Variants in ATG14 observed in about 807,000 individuals in gnomAD.
The protein encoded by ATG14 is beclin 1-associated autophagy-related key regulator.
In ATG14, 35 loss-of-function variants were observed where a neutral mutation model predicts 60.4. The observed-to-expected ratio is 0.58, with a 90% CI of 0.44 to 0.77. The LOEUF (loss-of-function observed/expected upper bound fraction) is 0.77. ATG14 is among the 30% of genes least tolerant of loss of function. ATG14 has a pLI of 0.00. For synonymous variants in ATG14, 234 were observed against 228.8 expected, an observed-to-expected ratio of 1.02 and a Z score of -0.21; for missense variants, 647 against 626.3, an observed-to-expected ratio of 1.03 and a Z score of -0.35.
chr14:55,392,941 G>A (rs1885244277), intron 3 of ATG14, among the ~76,000 whole-genome samples: 1 of 152,164 alleles, frequency 6.6e-6, no homozygotes, highest in South Asian at 2.1e-4. Flanking sequence ...AAAGGTAACA[G>A]AGTCTTTAGA....
At position 55,385,921 on chromosome 14, in the gene ATG14, T is replaced by A; in HGVS notation, c.585A>T (p.Arg195=). The change falls in exon 5 of 10, where the codon CGA becomes CGT. Residue 195 remains arginine (R), a synonymous_variant. Coordinates refer to ENST00000247178, the MANE Select transcript of ATG14 (RefSeq NM_014924.5). ...CAGAGGTGAGCTCTAATATATGGGA[T>A]CGTCGAAGATTTGCCAGACGCTCAT... ...SHYERLANLR[R]SHILELTSVI... is the part of the protein sequence containing the mutation. 1.2e-6 allele frequency: 2 copies of A among 1,614,198 alleles called. No individual in the cohort carries two copies. Among genetic ancestry groups the A allele is most frequent in the Admixed American group, 3.3e-5 (2 of 60,014 alleles).
In ATG14 at chr14:55,395,415, C is replaced by T. The variant is rs547266140; in HGVS notation, c.327+525G>A. Reference sequence around the variant, plus strand: ...TTGCCCAGGCTGGAGTGCTGTGGCACGATCTTGGCTCACTATAGCCTCTGC... The same window carrying T: ...TTGCCCAGGCTGGAGTGCTGTGGCATGATCTTGGCTCACTATAGCCTCTGC... On this transcript the variant is annotated intron_variant, in intron 3 of 9. Transcript: ENST00000247178. 1.4e-4 allele frequency among the ~76,000 whole-genome samples: 22 copies of T among 152,324 alleles called. No homozygotes were observed. The South Asian group carries it at 3.3e-3, about 23-fold the overall frequency.
intron 3 of ATG14, chr14:55,395,319 C>T: frequency 7.6e-6 from 2 of 263,046 alleles, no homozygotes; most frequent in Non-Finnish European, 1.5e-5. Context: ...CTGGCTGCTG[C>T]CACGCCTCTC....
chr14:55,382,763 G>T (rs768350265), intron 5 of ATG14, among the ~76,000 whole-genome samples: 19 of 152,130 alleles, frequency 1.2e-4, no homozygotes, highest in Non-Finnish European at 2.5e-4. Flanking sequence ...ATGAGGTAGG[G>T]CTGAACATAT....
At chr14:55,372,448 A>ACC (rs1425427410) in intron 9 of ATG14, among the ~76,000 whole-genome samples, 2 of 151,954 alleles carry the variant, frequency 1.3e-5, no homozygotes, top group African/African-American at 4.8e-5. Flanking sequence ...AGTCTAGGGG[A>ACC]CCTCAGAACT....
At chr14:55,378,396 T>C (rs67626275) in intron 7 of ATG14, among the ~76,000 whole-genome samples, 5,285 of 152,344 alleles carry the variant, frequency 0.035, 246 homozygotes, top group African/African-American at 0.1. Flanking sequence ...TGGTAAGATC[T>C]TGACACCTTT....
chr14:55,407,781 A>G lies in ATG14; in HGVS notation c.221+3821T>C, dbSNP rs944816623. On this transcript the variant is annotated intron_variant, in intron 1 of 9. Transcript: ENST00000247178. The stretch of plus-strand genomic sequence containing the variant: ...AAAGAAATAGGGTACTGTGATAGCA[A>G]ATAATGAATAGGGGAAAAGATGGAG... 7.9e-5 allele frequency among the ~76,000 whole-genome samples: 12 copies of G among 152,220 alleles called. No individual in the cohort carries two copies. The East Asian group carries it at 2.3e-3, about 29-fold the overall frequency.
intron 5 of ATG14, among the ~76,000 whole-genome samples, chr14:55,383,712 A>G (rs1885075799): frequency 6.6e-6 from 1 of 152,068 alleles, no homozygotes; most frequent in Non-Finnish European, 1.5e-5. Context: ...TGCTATAATC[A>G]TACCATTGCA....
intron 1 of ATG14, among the ~76,000 whole-genome samples, chr14:55,407,086 C>T (rs560439582): frequency 2.6e-4 from 39 of 152,066 alleles, no homozygotes; most frequent in Admixed American, 2.1e-3. Context: ...CTCAGCTTCC[C>T]GAGTAGCTGG....
chr14:55,395,853 A>T (rs1470166828), intron 3 of ATG14, 87 bp downstream of exon 3: 5 of 1,032,842 alleles, frequency 4.8e-6, no homozygotes, highest in Non-Finnish European at 6.7e-6. Flanking sequence ...TACGATTTTT[A>T]AAAATTTTAA....
intron 9 of ATG14, among the ~76,000 whole-genome samples, chr14:55,374,246 G>A (rs1884878537): frequency 6.6e-6 from 1 of 151,924 alleles, no homozygotes; most frequent in African/African-American, 2.4e-5. Context: ...GGGTCTCACT[G>A]TGTTGCCCAG....
chr14:55,378,630 A>T (rs2140126860), intron 7 of ATG14, among the ~76,000 whole-genome samples: 1 of 151,610 alleles, frequency 6.6e-6, no homozygotes, highest in South Asian at 2.1e-4. Context: ...TCCCTCCCTC[A>T]GTTCCCCTAT....
chr14:55,381,105 T>C (rs2140130242), intron 6 of ATG14, among the ~76,000 whole-genome samples: 1 of 152,084 alleles, frequency 6.6e-6, no homozygotes, highest in Middle Eastern at 3.4e-3. Flanking sequence ...CCCTAGTTCC[T>C]TCCATGGCAC....
At chr14:55,386,586 G>C (rs1169820833) in intron 4 of ATG14, among the ~76,000 whole-genome samples, 1 of 152,204 alleles carries the variant, frequency 6.6e-6, no homozygotes, top group Non-Finnish European at 1.5e-5. Context: ...CAGCCCAAGA[G>C]CTCTGAAAAG....
chr14:55,371,922 G>A (rs766212190), intron 9 of ATG14, among the ~76,000 whole-genome samples: 4 of 152,136 alleles, frequency 2.6e-5, no homozygotes, highest in Non-Finnish European at 5.9e-5. Flanking sequence ...ACTTTCTACT[G>A]CCCCTTGAAT....
chr14:55,380,806 T>C, intron 6 of ATG14, 116 bp from the exon 7 acceptor site: 1 of 476,486 alleles, frequency 2.1e-6, no homozygotes, highest in South Asian at 3.8e-5. Flanking sequence ...TTTTAGTGCT[T>C]CCTTAATAGA....
chr14:55,394,565 C>A (rs1172797667), intron 3 of ATG14, among the ~76,000 whole-genome samples: 1 of 152,108 alleles, frequency 6.6e-6, no homozygotes, highest in African/African-American at 2.4e-5. Flanking sequence ...ATAGCATGTA[C>A]ACTACAGATT....
At position 55,386,106 on chromosome 14, in the gene ATG14, A is replaced by G. The variant is rs374858862; in HGVS notation, c.410-10T>C. 28 of 1,598,470 alleles carry G rather than the reference A, an allele frequency of 1.8e-5. No individual in the cohort carries two copies. Among genetic ancestry groups the G allele is most frequent in the Non-Finnish European group, 2.2e-5 (26 of 1,171,174 alleles). On this transcript the variant is annotated splice_polypyrimidine_tract_variant and intron_variant, in intron 4 of 9. Transcript: ENST00000247178. The stretch of plus-strand genomic sequence containing the variant: ...AGAAGGCCTTCAGAATCTAAAATAA[A>G]TAAATCACACCCAACAATTATCTCT...
At position 55,380,581 on chromosome 14, in the gene ATG14, G is replaced by A. The variant is rs867078941; in HGVS notation, c.987C>T (p.Leu329=). 1 of 1,605,076 alleles carries A rather than the reference G, an allele frequency of 6.2e-7. No individual in the cohort carries two copies. The highest frequency in any genetic ancestry group is 1.7e-4 in the Middle Eastern group (1 of 6,036). Residue 329 remains leucine (L), a synonymous_variant, in exon 7 of 10, where the codon CTC becomes CTT. Coordinates refer to ENST00000247178, the MANE Select transcript of ATG14 (RefSeq NM_014924.5). ...HILDVNLPKK[L]CNSEFCGENL... is the part of the protein sequence containing the mutation. ...CACCTTCAATTACTTGCCTGTTGCAGAGCTTTTTGGGAAGATTTACATCAA... is the reference window on the plus strand; with the variant it reads ...CACCTTCAATTACTTGCCTGTTGCAAAGCTTTTTGGGAAGATTTACATCAA...
Sources: gnomAD v4.1 joint callset for allele counts (sites outside exome capture counted in the v4.1 genomes callset) on GRCh38, gnomAD v4.1.1 for gene constraint, MANE v1.5 for transcripts, NCBI Gene and HGNC (gene_info 2026-07-23, HGNC 2026-07-21) for gene names.